Variants in TEX9 observed in about 807,000 individuals in gnomAD.
TEX9 encodes testis-expressed protein 9.
A neutral mutation model predicts 59.6 loss-of-function variants in TEX9; 74 were observed. The observed-to-expected ratio is 1.24, with a 90% CI of 1.03 to 1.51. The LOEUF (loss-of-function observed/expected upper bound fraction) is 1.51, where lower values mean the gene tolerates loss of function less well. Among genes scored for constraint, TEX9 ranks in the 40% most tolerant of loss-of-function variants. The pLI, the probability that TEX9 is intolerant of heterozygous loss-of-function variation, is 0.00. For synonymous variants in TEX9, 186 were observed against 152.2 expected, an observed-to-expected ratio of 1.22 and a Z score of -1.64; for missense variants, 522 against 447.8, an observed-to-expected ratio of 1.17 and a Z score of -1.49.
intron 1 of TEX9, among the ~76,000 whole-genome samples, chr15:56,280,056 G>A (rs1397870001): frequency 6.6e-6 from 1 of 152,226 alleles, no homozygotes; most frequent in Non-Finnish European, 1.5e-5. Context: ...ATTGCCAGAT[G>A]ATTTTGCCCA....
chr15:56,392,523 C>G (rs1395448036), intron 7 of TEX9, among the ~76,000 whole-genome samples: 1 of 152,160 alleles, frequency 6.6e-6, no homozygotes, highest in Non-Finnish European at 1.5e-5. Context: ...CAGGCCCCAC[C>G]TCCAACACTG....
At chr15:56,429,013 C>A in intron 12 of TEX9, 1 of 684,070 alleles carries the variant, frequency 1.5e-6, no homozygotes, top group South Asian at 2.3e-5. Flanking sequence ...CAATGGATAC[C>A]TAATGCCACT....
chr15:56,381,195 G>A (rs1235686355), intron 3 of TEX9, among the ~76,000 whole-genome samples: 2 of 152,070 alleles, frequency 1.3e-5, no homozygotes, highest in African/African-American at 4.8e-5. Context: ...AAGAGACTCT[G>A]ATGCAGCCTT....
intron 9 of TEX9, chr15:56,396,344 G>A (rs1477998721): frequency 1.3e-5 from 2 of 152,044 alleles, no homozygotes; most frequent in Non-Finnish European, 2.9e-5. Flanking sequence ...ACTTTTTAGT[G>A]TACAATTCTA....
At chr15:56,252,926 C>T (rs2044059480) in intron 1 of TEX9, among the ~76,000 whole-genome samples, 1 of 152,138 alleles carries the variant, frequency 6.6e-6, no homozygotes, top group South Asian at 2.1e-4. Context: ...AAATACTCCA[C>T]ACAATGCTTT....
intron 1 of TEX9, among the ~76,000 whole-genome samples, chr15:56,278,023 G>A (rs552909520): frequency 4.0e-5 from 6 of 150,278 alleles, no homozygotes; most frequent in East Asian, 2.0e-4. Flanking sequence ...TTCTTTAGTC[G>A]TTTTTGCTCA....
intron 10 of TEX9, among the ~76,000 whole-genome samples, chr15:56,420,737 T>C (rs1347123265): frequency 6.6e-6 from 1 of 151,970 alleles, no homozygotes; most frequent in Non-Finnish European, 1.5e-5. Context: ...CCAAATTTGA[T>C]TTTTTGTATT....
At chr15:56,262,669 A>T (rs1445183737) in intron 1 of TEX9, among the ~76,000 whole-genome samples, 1 of 152,216 alleles carries the variant, frequency 6.6e-6, no homozygotes, top group African/African-American at 2.4e-5. Context: ...AATTTTCGTT[A>T]TCTAATTATC....
At chr15:56,295,230 T>C (rs1385411291) in intron 1 of TEX9, among the ~76,000 whole-genome samples, 3 of 152,150 alleles carry the variant, frequency 2.0e-5, no homozygotes, top group Admixed American at 6.6e-5. Context: ...CCTATAAAAA[T>C]AGCAATAAGT....
intron 4 of TEX9, among the ~76,000 whole-genome samples, chr15:56,387,874 T>A (rs1162163014): frequency 1.3e-5 from 2 of 152,004 alleles, no homozygotes. Flanking sequence ...CCATAAACAC[T>A]CCTTGTTTGA....
intron 3 of TEX9, among the ~76,000 whole-genome samples, chr15:56,377,061 G>A (rs1197734868): frequency 6.6e-6 from 1 of 152,074 alleles, no homozygotes; most frequent in Non-Finnish European, 1.5e-5. Context: ...TGAGTTCACT[G>A]TAGGTATATG....
chr15:56,270,954 A>T (rs1395078450), intron 1 of TEX9, among the ~76,000 whole-genome samples: 5 of 152,200 alleles, frequency 3.3e-5, no homozygotes, highest in African/African-American at 1.2e-4. Context: ...AGACTGTTGA[A>T]TATTGGTCCC....
At chr15:56,409,282 T>G (rs2049233023) in intron 9 of TEX9, among the ~76,000 whole-genome samples, 1 of 152,092 alleles carries the variant, frequency 6.6e-6, no homozygotes, top group Non-Finnish European at 1.5e-5. Flanking sequence ...CCCGTGTCAC[T>G]CAGAATAAAA....
At chr15:56,401,528 C>T (rs2048782000) in intron 9 of TEX9, among the ~76,000 whole-genome samples, 1 of 152,046 alleles carries the variant, frequency 6.6e-6, no homozygotes, top group African/African-American at 2.4e-5. Context: ...ACTTAGACTA[C>T]CACACAATAA....
chr15:56,391,792 C>G (rs2048223834), intron 7 of TEX9, among the ~76,000 whole-genome samples: 1 of 151,966 alleles, frequency 6.6e-6, no homozygotes, highest in South Asian at 2.1e-4. Context: ...AAAAGTTTTT[C>G]TGAATTTTTT....
intron 1 of TEX9, chr15:56,323,257 G>A (rs1168181354): frequency 4.6e-6 from 1 of 216,906 alleles, no homozygotes; most frequent in East Asian, 1.1e-4. Context: ...TCAGAGTAGT[G>A]GAAGATCATG....
intron 1 of TEX9, among the ~76,000 whole-genome samples, chr15:56,346,070 A>G (rs1418392748): frequency 1.3e-5 from 2 of 152,186 alleles, no homozygotes; most frequent in African/African-American, 4.8e-5. Context: ...CTTAATATAA[A>G]CATTGCCTGC....
chr15:56,405,272 A>G (rs1323133923), intron 9 of TEX9, among the ~76,000 whole-genome samples: 2 of 150,338 alleles, frequency 1.3e-5, no homozygotes, highest in Non-Finnish European at 2.9e-5. Context: ...TCGCCACTGC[A>G]CTCCAGCCTG....
At chr15:56,248,908 C>T (rs2043933074) in intron 1 of TEX9, 1 of 152,196 alleles carries the variant, frequency 6.6e-6, no homozygotes, top group Admixed American at 6.5e-5. Flanking sequence ...ACAGGTGGGG[C>T]CTAACCAATA....
Sources: allele counts gnomAD v4.1 joint callset (sites outside exome capture counted in the v4.1 genomes callset), GRCh38; gene constraint gnomAD v4.1.1; transcripts MANE v1.5; gene names NCBI Gene and HGNC (gene_info 2026-07-23, HGNC 2026-07-21).